MYO1H: variants seen among roughly 807,000 people sequenced by gnomAD.
MYO1H encodes unconventional myosin-Ih.
Under a neutral mutation model 149.3 loss-of-function variants are expected in MYO1H, and 118 were observed. That is an observed-to-expected ratio of 0.79 (90% CI 0.68 to 0.92). The LOEUF is 0.92. Ranked by LOEUF, MYO1H falls within the 40% of genes least tolerant of loss-of-function variation. The pLI, the probability that MYO1H is intolerant of heterozygous loss-of-function variation, is 0.00. For synonymous variants in MYO1H, 447 were observed against 465.2 expected, an observed-to-expected ratio of 0.96 and a Z score of 0.50; for missense variants, 1,212 against 1,280.7, an observed-to-expected ratio of 0.95 and a Z score of 0.82.
At chr12:109,419,584 T>A (rs1250586566) in intron 15 of MYO1H, among the ~76,000 whole-genome samples, 8 of 152,162 alleles carry the variant, frequency 5.3e-5, no homozygotes, top group Non-Finnish European at 1.5e-5. Flanking sequence ...GGTTTCACTT[T>A]GTTGCCTAGA....
chr12:109,370,741 AG>A (rs1451380986), intron 1 of MYO1H, among the ~76,000 whole-genome samples: 1 of 152,208 alleles, frequency 6.6e-6, no homozygotes, highest in East Asian at 1.9e-4. Context: ...TGAATTCTCT[AG>A]ATTATTTCAA....
At position 109,443,266 on chromosome 12, in the gene MYO1H, ATG is replaced by A. The variant is rs1246633504; in HGVS notation, c.2689-240_2689-239del. ...TATGTGTGTGTATATGTGTACGTAT[ATG>A]TGTGTGTATATGTGTACGTATATAT... is the stretch of plus-strand genomic sequence containing the variant. On this transcript the variant is annotated intron_variant, in intron 27 of 31. Coordinates refer to ENST00000310903, the Ensembl canonical transcript of MYO1H. Among the ~76,000 whole-genome samples, 161 of 138,078 alleles carry A rather than the reference ATG, an allele frequency of 1.2e-3. 32 individuals are homozygous for A. Among genetic ancestry groups the A allele is most frequent in the Admixed American group, 2.7e-3 (39 of 14,278 alleles). 90.6% of individuals were successfully genotyped at this position (138,078 alleles called of 152,430 possible).
At chr12:109,392,879 G>A (rs985171081) in intron 2 of MYO1H, among the ~76,000 whole-genome samples, 17 of 151,304 alleles carry the variant, frequency 1.1e-4, no homozygotes, top group African/African-American at 3.6e-4. Flanking sequence ...GGCTGATCTC[G>A]GCTCACTGCA....
At chr12:109,441,220 T>A (rs1872114877) in intron 25 of MYO1H, among the ~76,000 whole-genome samples, 1 of 152,216 alleles carries the variant, frequency 6.6e-6, no homozygotes, top group South Asian at 2.1e-4. Context: ...ACTCTGCTGC[T>A]ACAGTGAGAA....
chr12:109,439,597 G>A, intron 23 of MYO1H, 34 bp from the exon 24 acceptor site: 2 of 1,580,460 alleles, frequency 1.3e-6, no homozygotes, highest in Non-Finnish European at 1.7e-6. Context: ...TGAAGAAATG[G>A]TCCAGAAAAG....
chr12:109,406,467 TAAAAAAAAAAA>T lies in MYO1H; in HGVS notation c.964-299_964-289del, dbSNP rs56744077. On this transcript the variant is annotated intron_variant, in intron 8 of 31. Coordinates refer to ENST00000310903, the Ensembl canonical transcript of MYO1H. ...GGCAACATAGTGAGACCCTATCTCT[TAAAAAAAAAAA>T]AAAAAAAAAAAAAAAAAAAAAATTA... Among the ~76,000 whole-genome samples, 29 of 43,646 alleles carry T rather than the reference TAAAAAAAAAAA, an allele frequency of 6.6e-4. No homozygotes were observed. In the East Asian group the frequency reaches 0.014, roughly 22 times the overall value. The allele number at this position is 43,646 out of a possible 152,430, so 28.6% of individuals were successfully genotyped here. A position where few individuals can be genotyped will look rare whatever the true frequency, so the allele number is the denominator to read the frequency against.
chr12:109,442,204 G>T lies in MYO1H; in HGVS notation c.2633-13G>T. On this transcript the variant is annotated splice_polypyrimidine_tract_variant and intron_variant, in intron 26 of 31. Transcript: ENST00000310903. ...TTTAGTGATGATTCATGGCCTTCTGGTTCCCTCTCTAGATGAAGGAGACAT... is the reference window on the plus strand; with the variant it reads ...TTTAGTGATGATTCATGGCCTTCTGTTTCCCTCTCTAGATGAAGGAGACAT... 6.2e-7 allele frequency: 1 copy of T among 1,613,120 alleles called. No individual in the cohort carries two copies. Among genetic ancestry groups the T allele is most frequent in the Non-Finnish European group, 8.5e-7 (1 of 1,179,134 alleles).
intron 1 of MYO1H, among the ~76,000 whole-genome samples, chr12:109,375,150 C>T (rs985451841): frequency 2.8e-5 from 4 of 144,250 alleles, no homozygotes; most frequent in Non-Finnish European, 6.1e-5. Flanking sequence ...CCACCATGCC[C>T]GGCGGATTTT....
the MYO1H span, among the ~76,000 whole-genome samples, chr12:109,331,775 T>A: frequency 6.6e-6 from 1 of 152,230 alleles, no homozygotes; most frequent in South Asian, 2.1e-4. Flanking sequence ...CTTGAAAATG[T>A]AGCTCCTGCA....
At chr12:109,414,780 T>A (rs1870833777) in intron 14 of MYO1H, among the ~76,000 whole-genome samples, 1 of 152,124 alleles carries the variant, frequency 6.6e-6, no homozygotes, top group African/African-American at 2.4e-5. Flanking sequence ...TAATTATAGC[T>A]CACTGCAGCC....
chr12:109,348,436 T>C (rs1868386392), intron 1 of MYO1H, among the ~76,000 whole-genome samples: 1 of 152,200 alleles, frequency 6.6e-6, no homozygotes, highest in Non-Finnish European at 1.5e-5. Context: ...TCTTAAATAA[T>C]AGATGGTGAC....
chr12:109,411,458 A>G (rs1273298551), intron 13 of MYO1H, among the ~76,000 whole-genome samples: 2 of 152,262 alleles, frequency 1.3e-5, no homozygotes, highest in Non-Finnish European at 1.5e-5. Context: ...GACGAAAAAT[A>G]GGAAATAGAA....
At chr12:109,406,503 A>T (rs1870399858) in intron 8 of MYO1H, among the ~76,000 whole-genome samples, 1 of 138,070 alleles carries the variant, frequency 7.2e-6, no homozygotes, top group African/African-American at 2.6e-5. Context: ...AAAAAAAATT[A>T]GCTATGAATG....
chr12:109,430,564 G>A (rs1428652103), intron 19 of MYO1H, among the ~76,000 whole-genome samples: 1 of 152,190 alleles, frequency 6.6e-6, no homozygotes, highest in Non-Finnish European at 1.5e-5. Context: ...CTTTGTGTAG[G>A]TGGCTGAACA....
At chr12:109,343,611 G>A (rs1331613937), upstream of MYO1H, among the ~76,000 whole-genome samples, 7 of 152,124 alleles carry the variant, frequency 4.6e-5, no homozygotes, top group Admixed American at 4.6e-4. Flanking sequence ...TACTTTAACA[G>A]AATCGAACGA....
At chr12:109,407,970 C>T (rs1180482115) in intron 10 of MYO1H, 57 bp downstream of exon 10, 1 of 1,569,470 alleles carries the variant, frequency 6.4e-7, no homozygotes. Flanking sequence ...GTTTTATAAT[C>T]ATCGTTTCTT....
chr12:109,349,170 T>G (rs1868402239), intron 1 of MYO1H, among the ~76,000 whole-genome samples: 1 of 152,226 alleles, frequency 6.6e-6, no homozygotes, highest in Admixed American at 6.5e-5. Context: ...AGACAACAGA[T>G]AGGTCTGTCC....
At chr12:109,427,402 G>A in intron 18 of MYO1H, 67 bp from the exon 19 acceptor site, 1 of 1,017,632 alleles carries the variant, frequency 9.8e-7, no homozygotes, top group Non-Finnish European at 1.6e-6. Flanking sequence ...TGCAGCCTGT[G>A]ATCTGCCTTG....
rs1566044838 is a variant in MYO1H, at chr12:109,443,086, G to GTGTGTATATATGTGTACGTATA, written c.2689-422_2689-401dup. On this transcript the variant is annotated intron_variant, in intron 27 of 31. Transcript: ENST00000310903. ...TATGTGTGTATATATGTGTACGTAT[G>GTGTGTATATATGTGTACGTATA]TGTGTATATATGTGTACGTATATGT... Among the ~76,000 whole-genome samples, 5 of 102,006 alleles carry GTGTGTATATATGTGTACGTATA rather than the reference G, an allele frequency of 4.9e-5. 1 individual carries two copies. The South Asian group carries it at 8.5e-4, about 17-fold the overall frequency. The allele number at this position is 102,006 out of a possible 152,430, so 66.9% of individuals were successfully genotyped here.
Sources: allele counts gnomAD v4.1 joint callset (sites outside exome capture counted in the v4.1 genomes callset), GRCh38; gene constraint gnomAD v4.1.1; transcripts MANE v1.5; gene names NCBI Gene and HGNC (gene_info 2026-07-23, HGNC 2026-07-21).